RABGAP1L: variants seen among roughly 807,000 people sequenced by gnomAD.
RABGAP1L encodes RAB GTPase activating protein 1 like.
A neutral mutation model predicts 137.7 loss-of-function variants in RABGAP1L; 63 were observed. That is an observed-to-expected ratio of 0.46 (90% CI 0.37 to 0.56). RABGAP1L has a LOEUF of 0.56. Among genes scored for constraint, RABGAP1L ranks in the 20% least tolerant of loss-of-function variants. The probability of loss-of-function intolerance (pLI) is 0.00; values close to 1 mark genes in which losing one functional copy is unlikely to be tolerated. For synonymous variants in RABGAP1L, 431 were observed against 433.7 expected (o/e 0.99, Z 0.08); for missense variants, 1,095 against 1,244.0 (o/e 0.88, Z 1.80).
At chr1:174,263,273 G>C (rs1210560434) in intron 7 of RABGAP1L, among the ~76,000 whole-genome samples, 1 of 152,208 alleles carries the variant, frequency 6.6e-6, no homozygotes, top group Admixed American at 6.5e-5. Context: ...TCATTGGGCT[G>C]TAATCCTGCC....
At chr1:174,216,343 A>G (rs1669316658) in intron 1 of RABGAP1L, among the ~76,000 whole-genome samples, 1 of 152,176 alleles carries the variant, frequency 6.6e-6, no homozygotes, top group African/African-American at 2.4e-5. Flanking sequence ...GAGGTGATGG[A>G]TACTCCATTT....
intron 8 of RABGAP1L, among the ~76,000 whole-genome samples, chr1:174,274,287 C>T (rs1006998603): frequency 1.3e-5 from 2 of 152,030 alleles, no homozygotes; most frequent in African/African-American, 4.8e-5. Context: ...AGCCAGATTA[C>T]TTATATATAA....
In RABGAP1L at chr1:174,448,168, G is replaced by C; in HGVS notation, c.1710+54023G>C. Reference sequence around the variant, plus strand: ...TCCTGAACATGAGCAGTGGCATTGTGAATGTGTCCGAGCGTCACTCCTGCC... The same window carrying C: ...TCCTGAACATGAGCAGTGGCATTGTCAATGTGTCCGAGCGTCACTCCTGCC... On this transcript the variant is annotated intron_variant, in intron 13 of 25. Transcript: ENST00000681986. The surrounding 1 kb of genome is among the most constrained non-coding windows in gnomAD (Gnocchi z 4.2). The C allele has an allele frequency of 6.2e-7, 1 of 1,613,580 alleles. No homozygotes were observed. Among genetic ancestry groups the C allele is most frequent in the Non-Finnish European group, 8.5e-7 (1 of 1,179,572 alleles).
At chr1:174,543,488 C>T (rs767284645) in intron 13 of RABGAP1L, among the ~76,000 whole-genome samples, 3 of 151,996 alleles carry the variant, frequency 2.0e-5, no homozygotes, top group Non-Finnish European at 4.4e-5. Flanking sequence ...CTATGTGTTT[C>T]CCTGCCTGTG....
At chr1:174,896,591 T>C (rs1263241173) in intron 19 of RABGAP1L, among the ~76,000 whole-genome samples, 1 of 152,240 alleles carries the variant, frequency 6.6e-6, no homozygotes, top group Non-Finnish European at 1.5e-5. Context: ...TTTAAGTCTT[T>C]AATCCATCTT....
In RABGAP1L at chr1:174,911,602, A is replaced by G. The variant is rs537261781; in HGVS notation, c.2341-45855A>G. ...CTTATTAAATTTCAAGGTGTTAAAT[A>G]TAGCCCATTCAAATACTCGTATATG... On this transcript the variant is annotated intron_variant, in intron 19 of 25. Coordinates refer to ENST00000681986, the MANE Select transcript of RABGAP1L (RefSeq NM_001366446.1). 7.2e-5 allele frequency among the ~76,000 whole-genome samples: 11 copies of G among 152,350 alleles called. No individual in the cohort carries two copies. In the East Asian group the frequency reaches 2.1e-3, roughly 29 times the overall value.
chr1:174,434,850 G>A (rs941852502), intron 13 of RABGAP1L, among the ~76,000 whole-genome samples: 1 of 152,092 alleles, frequency 6.6e-6, no homozygotes, highest in Admixed American at 6.5e-5. Context: ...TTAACAAATT[G>A]TAGGAGTCAG....
At chr1:174,800,908 A>G (rs1688707249) in intron 18 of RABGAP1L, among the ~76,000 whole-genome samples, 1 of 151,874 alleles carries the variant, frequency 6.6e-6, no homozygotes, top group Non-Finnish European at 1.5e-5. Flanking sequence ...TTGCTTTCTA[A>G]CCTCCCCATT....
chr1:174,462,382 C>T (rs1267050443), intron 13 of RABGAP1L, among the ~76,000 whole-genome samples: 2 of 152,080 alleles, frequency 1.3e-5, no homozygotes, highest in Non-Finnish European at 1.5e-5. Context: ...CATATATGTA[C>T]AATGGTTTTT....
chr1:174,791,842 A>T (rs1687882519), intron 18 of RABGAP1L, among the ~76,000 whole-genome samples: 1 of 152,194 alleles, frequency 6.6e-6, no homozygotes, highest in Non-Finnish European at 1.5e-5. Flanking sequence ...GAGAAGGCAG[A>T]TGTGCTTTAT....
intron 13 of RABGAP1L, among the ~76,000 whole-genome samples, chr1:174,589,197 A>T (rs1485181197): frequency 6.6e-6 from 1 of 152,114 alleles, no homozygotes; most frequent in Admixed American, 6.6e-5. Context: ...TTCTCCAGTG[A>T]TTGATGATGT....
chr1:174,288,483 T>C (rs1489832142), intron 10 of RABGAP1L, among the ~76,000 whole-genome samples: 2 of 152,208 alleles, frequency 1.3e-5, no homozygotes, highest in Non-Finnish European at 2.9e-5. Flanking sequence ...TATAGTATTC[T>C]TGGTTGAGGA....
At chr1:174,558,061 G>A (rs2148008183) in intron 13 of RABGAP1L, among the ~76,000 whole-genome samples, 1 of 152,340 alleles carries the variant, frequency 6.6e-6, no homozygotes, top group Admixed American at 6.5e-5. Context: ...AGGGGAATGG[G>A]ATAAGGAAAA....
chr1:174,225,058 C>T (rs1339563661), intron 3 of RABGAP1L, among the ~76,000 whole-genome samples: 2 of 151,756 alleles, frequency 1.3e-5, no homozygotes, highest in African/African-American at 4.8e-5. Flanking sequence ...TCTTTCTTTT[C>T]TGGGACTCAG....
intron 18 of RABGAP1L, chr1:174,799,921 C>A (rs1353971376): frequency 3.1e-6 from 3 of 982,314 alleles, no homozygotes; most frequent in Non-Finnish European, 3.6e-6. Flanking sequence ...CGCACACACA[C>A]CCTTTCTCGC....
intron 23 of RABGAP1L, among the ~76,000 whole-genome samples, chr1:174,980,363 T>G (rs187386251): frequency 6.6e-6 from 1 of 152,332 alleles, no homozygotes; most frequent in Admixed American, 6.5e-5. Flanking sequence ...GACAAAAAGA[T>G]GAATGAATTC....
chr1:174,530,421 G>A (rs909054092), intron 13 of RABGAP1L, among the ~76,000 whole-genome samples: 2 of 152,240 alleles, frequency 1.3e-5, no homozygotes, highest in East Asian at 1.9e-4. Context: ...CCCAGCATGA[G>A]CTCTTTCCCC....
chr1:174,436,425 A>C (rs1453488997), intron 13 of RABGAP1L, among the ~76,000 whole-genome samples: 2 of 151,984 alleles, frequency 1.3e-5, no homozygotes, highest in Non-Finnish European at 2.9e-5. Context: ...GCATTTTTTC[A>C]TGTGTTTTTT....
chr1:174,836,781 G>A (rs1478300049), intron 19 of RABGAP1L, among the ~76,000 whole-genome samples: 1 of 152,230 alleles, frequency 6.6e-6, no homozygotes, highest in Non-Finnish European at 1.5e-5. Flanking sequence ...GGGAAGGTAT[G>A]AGGTAAATTC....
Sources: gnomAD v4.1 joint callset for allele counts (sites outside exome capture counted in the v4.1 genomes callset) on GRCh38, gnomAD v4.1.1 for gene constraint, Gnocchi (gnomAD v3.1) non-coding constraint, MANE v1.5 for transcripts, NCBI Gene and HGNC (gene_info 2026-07-23, HGNC 2026-07-21) for gene names.